Variants in WDFY4 observed in about 807,000 individuals in gnomAD.
WDFY4 encodes WDFY family member 4, also known as WD repeat- and FYVE domain-containing protein 4.
Under a neutral mutation model 351.9 loss-of-function variants are expected in WDFY4, and 169 were observed. That is an observed-to-expected ratio of 0.48 (90% CI 0.42 to 0.55). The LOEUF (loss-of-function observed/expected upper bound fraction) is 0.55, where lower values mean the gene tolerates loss of function less well. WDFY4 is among the 20% of genes least tolerant of loss of function. WDFY4 has a pLI of 0.00. For synonymous variants in WDFY4, 1,622 were observed against 1,574.6 expected (o/e 1.03, Z -0.71); for missense variants, 3,803 against 3,935.6 (o/e 0.97, Z 0.90).
intron 19 of WDFY4, among the ~76,000 whole-genome samples, chr10:48,784,451 T>C (rs1341598675): frequency 1.3e-5 from 2 of 151,908 alleles, no homozygotes; most frequent in Admixed American, 6.6e-5. Context: ...CACCTTTTCA[T>C]GTGCTTATTT....
chr10:48,909,269 ATTTTAT>A (rs1258050532), intron 47 of WDFY4, among the ~76,000 whole-genome samples: 2 of 152,172 alleles, frequency 1.3e-5, no homozygotes, highest in African/African-American at 2.4e-5. Flanking sequence ...CAAGTCTGCC[ATTTTAT>A]TTTTATTTTT....
At chr10:48,838,178 T>C (rs1468032058) in intron 39 of WDFY4, among the ~76,000 whole-genome samples, 1 of 152,184 alleles carries the variant, frequency 6.6e-6, no homozygotes, top group Non-Finnish European at 1.5e-5. Flanking sequence ...AAAAGCTTTC[T>C]GTAGGAATTC....
intron 40 of WDFY4, among the ~76,000 whole-genome samples, chr10:48,871,534 A>G (rs1261243255): frequency 6.7e-6 from 1 of 149,454 alleles, no homozygotes; most frequent in Non-Finnish European, 1.5e-5. Context: ...AAGTACAGTC[A>G]TGTAAATCAT....
At chr10:48,870,253 CT>C (rs2069713531) in intron 40 of WDFY4, among the ~76,000 whole-genome samples, 2 of 152,126 alleles carry the variant, frequency 1.3e-5, no homozygotes, top group Non-Finnish European at 2.9e-5. Flanking sequence ...AAAATCATAA[CT>C]GGTCAAGTGT....
intron 57 of WDFY4, 83 bp from the exon 58 acceptor site, chr10:48,974,779 C>G: frequency 2.9e-6 from 4 of 1,377,620 alleles, no homozygotes. Flanking sequence ...CATCCAGCAC[C>G]CAGCTTTATA....
intron 47 of WDFY4, among the ~76,000 whole-genome samples, chr10:48,912,162 G>T (rs1468673603): frequency 6.6e-6 from 1 of 152,238 alleles, no homozygotes; most frequent in African/African-American, 2.4e-5. Context: ...CAGCTATTGT[G>T]AGGATTGACT....
chr10:48,941,816 G>A lies in WDFY4; in HGVS notation c.7597G>A (p.Gly2533Ser), dbSNP rs990513338. ...EDTLSLRRYPGSDRIMLQKWQ... is the reference protein window; with the variant it reads ...EDTLSLRRYPSSDRIMLQKWQ... ...TTTTCTGTCCCACAGGAGATACCCC[G>A]GCTCTGACAGGATCATGCTGCAGAA... The change falls in exon 48 of 62, where the codon GGC (glycine) becomes AGC (serine). Residue 2533 changes from glycine to serine, a missense_variant. Coordinates refer to ENST00000325239, the MANE Select transcript of WDFY4 (RefSeq NM_001394531.1). 4 of 1,552,014 alleles carry A rather than the reference G, an allele frequency of 2.6e-6. No individual in the cohort carries two copies. Among genetic ancestry groups the A allele is most frequent in the Admixed American group, 2.0e-5 (1 of 50,990 alleles).
chr10:48,947,673 G>C (rs1213365510), intron 51 of WDFY4, among the ~76,000 whole-genome samples: 1 of 152,158 alleles, frequency 6.6e-6, no homozygotes, highest in Non-Finnish European at 1.5e-5. Flanking sequence ...GTGCTGTGAG[G>C]GTGCTGAGAA....
intron 19 of WDFY4, among the ~76,000 whole-genome samples, chr10:48,781,400 G>A (rs542267329): frequency 2.8e-4 from 42 of 152,028 alleles, no homozygotes; most frequent in Non-Finnish European, 3.1e-4. Flanking sequence ...GGATTCAAGC[G>A]ATTCTCCTTT....
At chr10:48,786,912 T>C (rs1643815330) in intron 20 of WDFY4, 42 bp downstream of exon 20, 2 of 1,505,770 alleles carry the variant, frequency 1.3e-6, no homozygotes, top group Non-Finnish European at 1.8e-6. Flanking sequence ...CTGATATTAG[T>C]TTTTAAATGG....
At chr10:48,907,826 T>G (rs1176151528) in intron 47 of WDFY4, among the ~76,000 whole-genome samples, 1 of 152,216 alleles carries the variant, frequency 6.6e-6, no homozygotes, top group Non-Finnish European at 1.5e-5. Flanking sequence ...TCCTTGGATT[T>G]CTTGCTGTAC....
At chr10:48,895,724 T>C (rs551361590) in intron 44 of WDFY4, among the ~76,000 whole-genome samples, 1 of 152,358 alleles carries the variant, frequency 6.6e-6, no homozygotes, top group East Asian at 1.9e-4. Context: ...GGAATAAATA[T>C]TTGGACAAAT....
chr10:48,971,002 T>C (rs1842314493), intron 57 of WDFY4, among the ~76,000 whole-genome samples: 1 of 152,226 alleles, frequency 6.6e-6, no homozygotes, highest in Non-Finnish European at 1.5e-5. Flanking sequence ...GAAGGAACTA[T>C]TATTTCCACT....
At chr10:48,714,199 A>G (rs1057377270) in intron 2 of WDFY4, among the ~76,000 whole-genome samples, 10 of 152,244 alleles carry the variant, frequency 6.6e-5, no homozygotes, top group Admixed American at 4.6e-4. Flanking sequence ...GTAGGTCTGC[A>G]TTATTAACCA....
At chr10:48,722,803 G>A (rs763621843) in intron 4 of WDFY4, among the ~76,000 whole-genome samples, 2 of 152,382 alleles carry the variant, frequency 1.3e-5, no homozygotes, top group South Asian at 2.1e-4. Context: ...ACCCCAGGAA[G>A]CTCCTGGCAG....
chr10:48,962,530 C>T (rs147755803), intron 53 of WDFY4, among the ~76,000 whole-genome samples: 30 of 152,334 alleles, frequency 2.0e-4, no homozygotes, highest in Non-Finnish European at 4.0e-4. Flanking sequence ...GCCATACTTC[C>T]TCTTGCTCAT....
intron 47 of WDFY4, among the ~76,000 whole-genome samples, chr10:48,916,610 C>A (rs368139630): frequency 6.6e-6 from 1 of 152,110 alleles, no homozygotes; most frequent in African/African-American, 2.4e-5. Flanking sequence ...CAAAATCCAG[C>A]CAGAAGACCA....
Position 48,946,991 on chromosome 10 carries a change from T to TACACACACACACACAC in WDFY4, c.7977+36_7977+51dup, listed in dbSNP as rs57927796. ...GCAGGTGAGCTGCTGCCACTCTCTG[T>TACACACACACACACAC]ACACACACACACACACACACACACA... On this transcript the variant is annotated intron_variant, in intron 51 of 61. Coordinates refer to ENST00000325239, the MANE Select transcript of WDFY4 (RefSeq NM_001394531.1). 62 of 1,100,384 alleles carry TACACACACACACACAC rather than the reference T, an allele frequency of 5.6e-5. No individual in the cohort carries two copies. In the African/African-American group the frequency reaches 7.7e-4, roughly 14 times the overall value. 68.2% of individuals were successfully genotyped at this position (1,100,384 alleles called of 1,614,324 possible). A position where few individuals can be genotyped will look rare whatever the true frequency, so the allele number is the denominator to read the frequency against.
At chr10:48,810,257 C>A (rs779825463) in intron 28 of WDFY4, among the ~76,000 whole-genome samples, 4 of 152,116 alleles carry the variant, frequency 2.6e-5, no homozygotes, top group African/African-American at 4.8e-5. Context: ...AAGGGGCATG[C>A]GCATTTTTAC....
Sources: allele counts gnomAD v4.1 joint callset (sites outside exome capture counted in the v4.1 genomes callset), GRCh38; gene constraint gnomAD v4.1.1; transcripts MANE v1.5; gene names NCBI Gene and HGNC (gene_info 2026-07-23, HGNC 2026-07-21).